Variants in PPP2R2C observed in about 807,000 individuals in gnomAD.
PPP2R2C encodes protein phosphatase 2, regulatory subunit B, gamma.
Under a neutral mutation model 45.3 loss-of-function variants are expected in PPP2R2C, and 10 were observed. The ratio of observed to expected loss-of-function variants is 0.22; its 90% CI spans 0.14 to 0.37. The LOEUF (loss-of-function observed/expected upper bound fraction) is 0.37, where lower values mean the gene tolerates loss of function less well. Among genes scored for constraint, PPP2R2C ranks in the 10% least tolerant of loss-of-function variants. The probability of loss-of-function intolerance (pLI) is 1.00; values close to 1 mark genes in which losing one functional copy is unlikely to be tolerated. For synonymous variants in PPP2R2C, 257 were observed against 245.4 expected, an observed-to-expected ratio of 1.05 and a Z score of -0.44; for missense variants, 308 against 619.7, an observed-to-expected ratio of 0.50 and a Z score of 5.34.
intron 5 of PPP2R2C, among the ~76,000 whole-genome samples, chr4:6,354,928 G>A (rs979978728): frequency 4.6e-5 from 7 of 151,930 alleles, no homozygotes; most frequent in African/African-American, 1.5e-4. Context: ...CCCACTGCAG[G>A]GCCCTCACAC....
chr4:6,345,974 G>A lies in PPP2R2C; in HGVS notation c.790+1872C>T, dbSNP rs1711872122. On this transcript the variant is annotated intron_variant, in intron 6 of 8. Coordinates refer to ENST00000382599, the MANE Select transcript of PPP2R2C (RefSeq NM_020416.4). This position sits in a 1 kb window ranked among gnomAD's most constrained non-coding sequence, Gnocchi z 5.3. ...CCTCAGGCTCGCGGGTCTGAAACCT[G>A]CCTGCTGGTCCCTGGCACCCCCTGT... Among the ~76,000 whole-genome samples, 1 of 152,106 alleles carries A rather than the reference G, an allele frequency of 6.6e-6. No homozygotes were observed. Among genetic ancestry groups the A allele is most frequent in the Non-Finnish European group, 1.5e-5 (1 of 68,008 alleles).
intron 5 of PPP2R2C, among the ~76,000 whole-genome samples, chr4:6,359,448 A>G (rs1361306221): frequency 6.6e-6 from 1 of 152,226 alleles, no homozygotes; most frequent in African/African-American, 2.4e-5. Context: ...TACCTATGTA[A>G]CAAACATGCA....
At chr4:6,483,145 T>TAGATA (rs376482565) in intron 2 of PPP2R2C, among the ~76,000 whole-genome samples, 11,732 of 103,454 alleles carry the variant, frequency 0.11, 605 homozygotes, top group Admixed American at 0.14. Context: ...ATAGATAGAT[T>TAGATA]GATTGATTGA....
exon 2 of PPP2R2C, chr4:6,535,277 C>T (rs1724568505): frequency 6.5e-7 from 1 of 1,535,304 alleles, no homozygotes; most frequent in Non-Finnish European, 8.7e-7. Flanking sequence ...TTACCGGAAA[C>T]TTCCATCAGC....
At chr4:6,417,216 A>T (rs1259825974) in intron 1 of PPP2R2C, among the ~76,000 whole-genome samples, 5 of 152,182 alleles carry the variant, frequency 3.3e-5, no homozygotes, top group Non-Finnish European at 1.5e-5. Flanking sequence ...CCCCACGAGG[A>T]GGAGGGAGTA....
At chr4:6,365,180 G>C (rs1446310533) in intron 5 of PPP2R2C, among the ~76,000 whole-genome samples, 1 of 152,212 alleles carries the variant, frequency 6.6e-6, no homozygotes, top group Non-Finnish European at 1.5e-5. Context: ...ACACAGAGAA[G>C]ACTCTCGGCC....
chr4:6,535,179 C>G (rs1724564847), intron 2 of PPP2R2C: 1 of 1,400,392 alleles, frequency 7.1e-7, no homozygotes, highest in Non-Finnish European at 9.7e-7. Context: ...TTCCCGCTGT[C>G]AGGCTGGCGC....
At chr4:6,337,395 G>A (rs896258606) in intron 6 of PPP2R2C, among the ~76,000 whole-genome samples, 7 of 151,792 alleles carry the variant, frequency 4.6e-5, no homozygotes, top group Non-Finnish European at 1.0e-4. Context: ...GAATCTCAGC[G>A]GGACCTGGTG....
chr4:6,476,680 C>A (rs1357197782), upstream of PPP2R2C, among the ~76,000 whole-genome samples: 2 of 152,132 alleles, frequency 1.3e-5, no homozygotes, highest in Non-Finnish European at 2.9e-5. Flanking sequence ...CAAAGATAAC[C>A]CCCATCTTGA....
At chr4:6,547,215 A>G (rs1255396754) in intron 1 of PPP2R2C, among the ~76,000 whole-genome samples, 1 of 152,024 alleles carries the variant, frequency 6.6e-6, no homozygotes, top group Non-Finnish European at 1.5e-5. Context: ...TTAAAGTAAA[A>G]TCACGCCCTT....
intron 1 of PPP2R2C, among the ~76,000 whole-genome samples, chr4:6,424,596 TTGACACAGGAGACCAGCCAA>T: frequency 6.6e-6 from 1 of 152,172 alleles, no homozygotes; most frequent in South Asian, 2.1e-4. Context: ...TGTCGATACA[TTGACACAGGAGACCAGCCAA>T]TGCCTCCTCC....
At chr4:6,338,020 G>A (rs1051701730) in intron 6 of PPP2R2C, among the ~76,000 whole-genome samples, 8 of 151,850 alleles carry the variant, frequency 5.3e-5, no homozygotes, top group Admixed American at 1.3e-4. Context: ...CCCCGAGTAC[G>A]CACGCAAACA....
intron 5 of PPP2R2C, chr4:6,348,792 G>A (rs1345237507): frequency 1.3e-6 from 1 of 791,044 alleles, no homozygotes; most frequent in Non-Finnish European, 1.5e-6. Context: ...GAAAGATCTG[G>A]TGATGCCATT....
At chr4:6,506,317 A>G (rs920707814) in intron 2 of PPP2R2C, among the ~76,000 whole-genome samples, 3 of 152,276 alleles carry the variant, frequency 2.0e-5, no homozygotes, top group African/African-American at 4.8e-5. Flanking sequence ...TGTACACTTT[A>G]CGGAACATAG....
chr4:6,360,498 T>C (rs1713632716), intron 5 of PPP2R2C, among the ~76,000 whole-genome samples: 1 of 152,006 alleles, frequency 6.6e-6, no homozygotes, highest in Non-Finnish European at 1.5e-5. Flanking sequence ...GCTCTCAGGA[T>C]GGAGGAAGCT....
chr4:6,433,859 A>G (rs907958065), intron 1 of PPP2R2C, among the ~76,000 whole-genome samples: 5 of 152,222 alleles, frequency 3.3e-5, no homozygotes, highest in African/African-American at 1.2e-4. Flanking sequence ...TCAGGGTTCG[A>G]ACTCGAACAG....
chr4:6,361,895 G>A (rs1471921833), intron 5 of PPP2R2C, among the ~76,000 whole-genome samples: 3 of 152,248 alleles, frequency 2.0e-5, no homozygotes, highest in African/African-American at 7.2e-5. Context: ...GCCTAAGAGA[G>A]ACACAGGTGC....
chr4:6,342,667 C>T (rs1230969327), intron 6 of PPP2R2C, among the ~76,000 whole-genome samples: 1 of 152,218 alleles, frequency 6.6e-6, no homozygotes, highest in Non-Finnish European at 1.5e-5. Context: ...AGGCTCTGTG[C>T]TGTCATAAGC....
chr4:6,420,706 C>G (rs1398998083), intron 1 of PPP2R2C, among the ~76,000 whole-genome samples: 1 of 152,118 alleles, frequency 6.6e-6, no homozygotes, highest in Non-Finnish European at 1.5e-5. Context: ...TCTCACAGAG[C>G]AAAAATGGAA....
Sources: gnomAD v4.1 joint callset for allele counts (sites outside exome capture counted in the v4.1 genomes callset) on GRCh38, gnomAD v4.1.1 for gene constraint, Gnocchi (gnomAD v3.1) non-coding constraint, MANE v1.5 for transcripts, NCBI Gene and HGNC (gene_info 2026-07-23, HGNC 2026-07-21) for gene names.